Variants in ZNF623 observed in about 807,000 individuals in gnomAD.
ZNF623 encodes zinc finger protein 623.
Under a neutral mutation model 24.0 loss-of-function variants are expected in ZNF623, and 16 were observed. That is an observed-to-expected ratio of 0.67 (90% CI 0.45 to 1.01). The LOEUF (loss-of-function observed/expected upper bound fraction) is 1.01, where lower values mean the gene tolerates loss of function less well. Ranked by LOEUF, ZNF623 falls within the 50% of genes least tolerant of loss-of-function variation. ZNF623 has a pLI of 0.00. For missense variants in ZNF623, 566 were observed against 606.5 expected (o/e 0.93, Z 0.70); for synonymous variants, 224 against 219.8 (o/e 1.02, Z -0.17).
chr8:143,648,496 G>A (rs576258860), intron 1 of ZNF623, among the ~76,000 whole-genome samples: 8 of 152,176 alleles, frequency 5.3e-5, no homozygotes, highest in African/African-American at 1.9e-4. Context: ...CTGCGGAGGA[G>A]GAGAGTCATG....
Position 143,651,322 on chromosome 8 carries a change from G to A in ZNF623, c.1330G>A (p.Glu444Lys), listed in dbSNP as rs1275164121. ...TCAACACCAGAAAATTCATACTGAA[G>A]AGAAGCTCTATGAATGTAGTCAGTA... ...FLQHQKIHTE[E>K]KLYECSQYGR... Residue 444 changes from glutamate (E) to lysine (K), a missense_variant, in exon 2 of 2, where the codon GAG becomes AAG. By Grantham distance (56) the Glu-to-Lys change is moderately conservative. Coordinates refer to ENST00000526926, the MANE Select transcript of ZNF623 (RefSeq NM_001261843.2). 1 of 1,614,088 alleles carries A rather than the reference G, an allele frequency of 6.2e-7. No individual in the cohort carries two copies. The highest frequency in any genetic ancestry group is 2.2e-5 in the East Asian group (1 of 44,904).
chr8:143,642,298 CATAGA>C (rs1815073615), intron 1 of ZNF623, among the ~76,000 whole-genome samples: 1 of 152,198 alleles, frequency 6.6e-6, no homozygotes. Context: ...TCTCGGCCTT[CATAGA>C]ATTGAGGACG....
At chr8:143,640,941 TAAAAAAAAAAAA>T (rs57279986) in intron 1 of ZNF623, among the ~76,000 whole-genome samples, 2 of 65,550 alleles carry the variant, frequency 3.1e-5, no homozygotes, top group African/African-American at 5.6e-5. Flanking sequence ...ACTCTGTCTT[TAAAAAAAAAAAA>T]AAAAAAAAAA....
intron 1 of ZNF623, among the ~76,000 whole-genome samples, chr8:143,643,485 C>G (rs556861052): frequency 2.2e-4 from 34 of 152,324 alleles, no homozygotes; most frequent in African/African-American, 8.2e-4. Flanking sequence ...AAGCAGTTCC[C>G]AGAGTGAGGA....
Position 143,650,517 on chromosome 8 carries a change from G to T in ZNF623, c.525G>T (p.Ala175=), listed in dbSNP as rs543510735. ...TCAAATGTGCGCAGTGTGGGAAGGC[G>T]TTTTGTCACAGTTCAGACCTGATTA... ...KPFKCAQCGK[A]FCHSSDLIRH... Residue 175 remains alanine, a synonymous_variant, in exon 2 of 2, where the codon GCG becomes GCT. Transcript: ENST00000526926. The surrounding 1 kb of genome is among the most constrained non-coding windows in gnomAD (Gnocchi z 5.2). 1 of 1,614,098 alleles carries T rather than the reference G, an allele frequency of 6.2e-7. No individual in the cohort carries two copies. Among genetic ancestry groups the T allele is most frequent in the Non-Finnish European group, 8.5e-7 (1 of 1,180,016 alleles).
At chr8:143,648,348 G>T (rs549385620) in intron 1 of ZNF623, among the ~76,000 whole-genome samples, 1 of 152,274 alleles carries the variant, frequency 6.6e-6, no homozygotes, top group Admixed American at 6.5e-5. Flanking sequence ...TGCCACCGCA[G>T]GTTGAGTTGG....
Position 143,650,003 on chromosome 8 carries a change from CCT to C in ZNF623, c.15_16del (p.Pro6ArgfsTer3). Reference sequence around the variant, plus strand: ...GACAGACTCACGGTGATGGAGCTCCCCTCTCCCGAGTCTGAGGAAGTCCACGA... The same window carrying C: ...GACAGACTCACGGTGATGGAGCTCCCCTCCCGAGTCTGAGGAAGTCCACGA... On this transcript the variant is annotated frameshift_variant, in exon 2 of 2. Transcript: ENST00000526926. LOFTEE classifies it low-confidence loss of function (END_TRUNC). The surrounding 1 kb of genome is among the most constrained non-coding windows in gnomAD (Gnocchi z 5.2). The C allele has an allele frequency of 6.2e-7, 1 of 1,614,150 alleles. No homozygotes were observed. Among genetic ancestry groups the C allele is most frequent in the Non-Finnish European group, 8.5e-7 (1 of 1,180,028 alleles).
Position 143,650,242 on chromosome 8 carries a change from C to T in ZNF623, c.250C>T (p.Pro84Ser), listed in dbSNP as rs966855865. The change falls in exon 2 of 2, where the codon CCT (proline) becomes TCT (serine). Residue 84 changes from proline to serine, a missense_variant. Pro to Ser is a moderately conservative substitution (Grantham distance 74). Coordinates refer to ENST00000526926, the MANE Select transcript of ZNF623 (RefSeq NM_001261843.2). The surrounding 1 kb of genome is among the most constrained non-coding windows in gnomAD (Gnocchi z 5.2). ...QRELIEGEAN[P>S]CDICGKTFTF... is the part of the protein sequence containing the mutation. ...AGAGCTCATAGAGGGGGAAGCCAAT[C>T]CTTGCGATATCTGTGGCAAAACCTT... The T allele has an allele frequency of 6.2e-7, 1 of 1,614,242 alleles. No individual in the cohort carries two copies. The highest frequency in any genetic ancestry group is 1.1e-5 in the South Asian group (1 of 91,088).
In ZNF623 at chr8:143,637,133, G is replaced by A. The variant is rs74582082; in HGVS notation, c.-96+988G>A. On this transcript the variant is annotated intron_variant, in intron 1 of 1. Coordinates refer to ENST00000526926, the MANE Select transcript of ZNF623 (RefSeq NM_001261843.2). ...AGTTGACAGCTGGCTCCAGTTCTCT[G>A]ACCTTACGCTTCTTACCTCCCTGAA... 7.4e-3 allele frequency among the ~76,000 whole-genome samples: 1,129 copies of A among 152,326 alleles called. 14 individuals are homozygous for A. Among genetic ancestry groups the A allele is most frequent in the African/African-American group, 0.025 (1,039 of 41,572 alleles).
intron 1 of ZNF623, among the ~76,000 whole-genome samples, chr8:143,637,121 C>T (rs1170126038): frequency 6.6e-6 from 1 of 152,202 alleles, no homozygotes; most frequent in Non-Finnish European, 1.5e-5. Flanking sequence ...TGACAGCTGG[C>T]TCCAGTTCTC....
intron 1 of ZNF623, among the ~76,000 whole-genome samples, chr8:143,644,213 G>A (rs1451635347): frequency 6.6e-6 from 1 of 152,076 alleles, no homozygotes. Flanking sequence ...TAGAGATGAG[G>A]TTTCACCATA....
At chr8:143,645,162 G>A (rs1318610607) in intron 1 of ZNF623, among the ~76,000 whole-genome samples, 11 of 150,348 alleles carry the variant, frequency 7.3e-5, no homozygotes, top group South Asian at 4.2e-4. Context: ...ACAAATGGTC[G>A]GCCGAGCGTG....
chr8:143,650,874 C>T lies in ZNF623; in HGVS notation c.882C>T (p.Leu294=). The T allele has an allele frequency of 1.2e-6, 2 of 1,613,996 alleles. No homozygotes were observed. The highest frequency in any genetic ancestry group is 1.7e-4 in the Middle Eastern group (1 of 6,060). The change falls in exon 2 of 2, where the codon CTC becomes CTT. Residue 294 remains leucine (L), a synonymous_variant. Transcript: ENST00000526926. The surrounding 1 kb of genome is among the most constrained non-coding windows in gnomAD (Gnocchi z 5.2). ...CGKAFIRSSK[L]IQHQRIHTGE... is the part of the protein sequence containing the mutation. Reference sequence around the variant, plus strand: ...AAGCCTTTATTCGGAGTTCAAAGCTCATTCAGCATCAGAGGATCCATACTG... The same window carrying T: ...AAGCCTTTATTCGGAGTTCAAAGCTTATTCAGCATCAGAGGATCCATACTG...
Position 143,649,989 on chromosome 8 carries a change from G to A in ZNF623, c.-4G>A, listed in dbSNP as rs201671001. The A allele has an allele frequency of 2.2e-5, 36 of 1,614,188 alleles. No individual in the cohort carries two copies. The highest frequency in any genetic ancestry group is 5.3e-5 in the African/African-American group (4 of 75,046). ...ATAGGACGACGTCAGACAGACTCAC[G>A]GTGATGGAGCTCCCCTCTCCCGAGT... is the stretch of plus-strand genomic sequence containing the variant. On this transcript the variant is annotated 5_prime_UTR_variant, in exon 2 of 2. Coordinates refer to ENST00000526926, the MANE Select transcript of ZNF623 (RefSeq NM_001261843.2).
At chr8:143,642,186 C>G (rs1450806852) in intron 1 of ZNF623, among the ~76,000 whole-genome samples, 1 of 152,236 alleles carries the variant, frequency 6.6e-6, no homozygotes, top group Non-Finnish European at 1.5e-5. Context: ...AAGCTTGCAG[C>G]TTCACCTTGC....
intron 1 of ZNF623, among the ~76,000 whole-genome samples, chr8:143,643,682 C>T (rs1013522564): frequency 1.3e-5 from 2 of 152,232 alleles, no homozygotes; most frequent in African/African-American, 4.8e-5. Flanking sequence ...CAGCTTACAT[C>T]CTTCCACCAG....
chr8:143,651,344 A>G lies in ZNF623; in HGVS notation c.1352A>G (p.Gln451Arg). The change falls in exon 2 of 2, where the codon CAG becomes CGG. Residue 451 changes from glutamine (Q) to arginine (R), a missense_variant. Transcript: ENST00000526926. Reference protein sequence around the residue: ...HTEEKLYECSQYGRDFNSTTN... With the variant: ...HTEEKLYECSRYGRDFNSTTN... ...GAAGAGAAGCTCTATGAATGTAGTC[A>G]GTATGGGAGAGATTTTAACTCAACT... 6.2e-7 allele frequency: 1 copy of G among 1,614,252 alleles called. No homozygotes were observed. The highest frequency in any genetic ancestry group is 2.2e-5 in the East Asian group (1 of 44,892).
intron 1 of ZNF623, among the ~76,000 whole-genome samples, chr8:143,647,335 T>G (rs902617811): frequency 4.6e-5 from 7 of 152,136 alleles, no homozygotes; most frequent in Non-Finnish European, 8.8e-5. Flanking sequence ...TAATTTTTTT[T>G]GTATTTTTGG....
At chr8:143,640,507 T>G (rs1815024966) in intron 1 of ZNF623, among the ~76,000 whole-genome samples, 1 of 152,258 alleles carries the variant, frequency 6.6e-6, no homozygotes, top group Non-Finnish European at 1.5e-5. Context: ...GAGTCAAGCC[T>G]CTCAAACCCT....
Sources: gnomAD v4.1 joint callset for allele counts (sites outside exome capture counted in the v4.1 genomes callset) on GRCh38, gnomAD v4.1.1 for gene constraint, Gnocchi (gnomAD v3.1) non-coding constraint, MANE v1.5 for transcripts, NCBI Gene and HGNC (gene_info 2026-07-23, HGNC 2026-07-21) for gene names.